The following PDE1C variants were observed in gnomAD, a reference collection of about 807,000 sequenced individuals.
PDE1C encodes the protein dual specificity calcium/calmodulin-dependent 3',5'-cyclic nucleotide phosphodiesterase 1C.
PDE1C carries 62 observed loss-of-function variants against 93.1 expected under a neutral mutation model. The ratio of observed to expected loss-of-function variants is 0.67; its 90% CI spans 0.54 to 0.82. The LOEUF (loss-of-function observed/expected upper bound fraction) is 0.82, where lower values mean the gene tolerates loss of function less well. Ranked by LOEUF, PDE1C falls within the 40% of genes least tolerant of loss-of-function variation. PDE1C has a pLI of 0.00. For missense variants in PDE1C, 742 were observed against 884.6 expected, an observed-to-expected ratio of 0.84 and a Z score of 2.04; for synonymous variants, 325 against 310.1, an observed-to-expected ratio of 1.05 and a Z score of -0.50.
intron 1 of PDE1C, among the ~76,000 whole-genome samples, chr7:32,217,275 GT>G (rs1426011068): frequency 5.9e-5 from 9 of 152,174 alleles, no homozygotes; most frequent in African/African-American, 2.2e-4. Flanking sequence ...TCTTTAACAG[GT>G]GAGGAAAGTG....
chr7:31,668,190 G>T, the PDE1C span, among the ~76,000 whole-genome samples: 3 of 152,114 alleles, frequency 2.0e-5, no homozygotes, highest in Non-Finnish European at 4.4e-5. Context: ...ATTGGTGAGG[G>T]TGTAGCAAAA....
intron 17 of PDE1C, among the ~76,000 whole-genome samples, chr7:31,768,619 C>T (rs1181438351): frequency 6.6e-6 from 1 of 152,174 alleles, no homozygotes; most frequent in Non-Finnish European, 1.5e-5. Flanking sequence ...ATTGAAACAT[C>T]CCGCCTTCCA....
At chr7:31,649,313 C>CT in the PDE1C span, among the ~76,000 whole-genome samples, 9 of 152,174 alleles carry the variant, frequency 5.9e-5, no homozygotes, top group Non-Finnish European at 1.0e-4. Flanking sequence ...AAATCTCAGA[C>CT]TTCCTAGAAA....
chr7:32,126,238 T>TAGATAGAC (rs1799575568), intron 3 of PDE1C, among the ~76,000 whole-genome samples: 2 of 151,982 alleles, frequency 1.3e-5, no homozygotes, highest in South Asian at 4.1e-4. Flanking sequence ...GATAGATAGA[T>TAGATAGAC]AGATAGATTC....
At chr7:31,676,600 T>G in the PDE1C span, among the ~76,000 whole-genome samples, 1 of 152,070 alleles carries the variant, frequency 6.6e-6, no homozygotes. Context: ...TGTGTTTGTG[T>G]GGGTGTGGGT....
chr7:31,641,189 T>C, the PDE1C span, among the ~76,000 whole-genome samples: 2 of 152,216 alleles, frequency 1.3e-5, no homozygotes, highest in African/African-American at 4.8e-5. Context: ...AAGCAGAGGC[T>C]GGGATCATTT....
chr7:32,239,246 T>C (rs1310747333), intron 1 of PDE1C, among the ~76,000 whole-genome samples: 2 of 151,938 alleles, frequency 1.3e-5, no homozygotes, highest in Admixed American at 6.6e-5. Flanking sequence ...AAAAAATATA[T>C]ATAGCCAAGC....
At chr7:32,304,357 G>A (rs1213791946) in intron 1 of PDE1C, among the ~76,000 whole-genome samples, 4 of 152,152 alleles carry the variant, frequency 2.6e-5, no homozygotes, top group Non-Finnish European at 4.4e-5. Context: ...GTAAGCCTTC[G>A]CTAAAACATT....
At chr7:32,310,008 G>A (rs187600770) in intron 1 of PDE1C, among the ~76,000 whole-genome samples, 2 of 152,126 alleles carry the variant, frequency 1.3e-5, no homozygotes, top group Admixed American at 1.3e-4. Context: ...GGAAACCCAT[G>A]TCATGTGCAG....
intron 2 of PDE1C, among the ~76,000 whole-genome samples, chr7:31,955,564 A>C (rs1032195600): frequency 6.6e-6 from 1 of 152,200 alleles, no homozygotes; most frequent in Non-Finnish European, 1.5e-5. Flanking sequence ...GGGGTGGGGC[A>C]GTATAAAGTA....
chr7:32,218,335 A>G (rs1806579126), intron 1 of PDE1C, among the ~76,000 whole-genome samples: 1 of 152,252 alleles, frequency 6.6e-6, no homozygotes, highest in South Asian at 2.1e-4. Flanking sequence ...AATAAAACTA[A>G]TTTGTAGTTG....
chr7:31,926,965 G>A (rs1051439514), intron 2 of PDE1C, among the ~76,000 whole-genome samples: 2 of 152,100 alleles, frequency 1.3e-5, no homozygotes, highest in Non-Finnish European at 2.9e-5. Flanking sequence ...AGACAGAACC[G>A]TTCACTCCCC....
At chr7:31,652,572 T>C in the PDE1C span, 8 of 1,611,274 alleles carry the variant, frequency 5.0e-6, no homozygotes, top group East Asian at 1.6e-4. Flanking sequence ...TCTGCATCAA[T>C]ATAACTGGAT....
chr7:32,012,408 G>C (rs1363811890), intron 2 of PDE1C, among the ~76,000 whole-genome samples: 10 of 152,110 alleles, frequency 6.6e-5, no homozygotes, highest in African/African-American at 2.4e-4. Flanking sequence ...GTAGGAACTA[G>C]GCCATTCATG....
intron 1 of PDE1C, among the ~76,000 whole-genome samples, chr7:32,424,717 TAGG>T (rs879545825): frequency 7.9e-5 from 12 of 151,956 alleles, no homozygotes; most frequent in African/African-American, 1.2e-4. Context: ...GAGGCTGAAA[TAGG>T]AGGATCGCTT....
intron 1 of PDE1C, among the ~76,000 whole-genome samples, chr7:32,241,725 G>C (rs950296195): frequency 1.1e-4 from 16 of 152,092 alleles, no homozygotes; most frequent in Admixed American, 9.2e-4. Flanking sequence ...TCATGCAGTG[G>C]GGGGGCAGCA....
At chr7:32,141,160 G>A (rs1334212674) in intron 3 of PDE1C, among the ~76,000 whole-genome samples, 1 of 152,212 alleles carries the variant, frequency 6.6e-6, no homozygotes, top group East Asian at 1.9e-4. Context: ...TCCCTCATAA[G>A]TGTGGCTGGA....
chr7:32,023,857 C>G (rs558015768), intron 2 of PDE1C, among the ~76,000 whole-genome samples: 1 of 152,072 alleles, frequency 6.6e-6, no homozygotes, highest in South Asian at 2.1e-4. Flanking sequence ...CAGGGCTACA[C>G]ATGTGACAAA....
chr7:31,702,990 T>C, the PDE1C span, among the ~76,000 whole-genome samples: 1 of 152,220 alleles, frequency 6.6e-6, no homozygotes, highest in South Asian at 2.1e-4. Flanking sequence ...CACAAAGGTC[T>C]AGGTTTCATC....
Sources: gnomAD v4.1 joint callset for allele counts (sites outside exome capture counted in the v4.1 genomes callset) on GRCh38, gnomAD v4.1.1 for gene constraint, MANE v1.5 for transcripts, NCBI Gene and HGNC (gene_info 2026-07-23, HGNC 2026-07-21) for gene names.